The following ELP3 variants were observed in gnomAD, a reference collection of about 807,000 sequenced individuals.
ELP3 encodes elongator acetyltransferase complex subunit 3.
ELP3 carries 56 observed loss-of-function variants against 74.9 expected under a neutral mutation model. The ratio of observed to expected loss-of-function variants is 0.75; its 90% confidence interval spans 0.60 to 0.93. ELP3 has a LOEUF of 0.93. ELP3 is among the 40% of genes least tolerant of loss of function. ELP3 has a pLI of 0.00. For synonymous variants in ELP3, 222 were observed against 239.8 expected (o/e 0.93, Z 0.68); for missense variants, 573 against 686.5 (o/e 0.83, Z 1.85).
intron 14 of ELP3, among the ~76,000 whole-genome samples, chr8:28,167,292 T>A (rs1287284834): frequency 6.6e-6 from 1 of 152,154 alleles, no homozygotes; most frequent in African/African-American, 2.4e-5. Context: ...CCAATATGGC[T>A]TTCTAGGACT....
upstream of ELP3, chr8:28,090,478 GGTGGGT>G (rs1554492415): frequency 9.6e-4 from 218 of 227,140 alleles, no homozygotes; most frequent in African/African-American, 4.2e-3. Flanking sequence ...TAGTCTGATG[GGTGGGT>G]GTGTGTGTGT....
chr8:28,092,311 C>A (rs1433738554), upstream of ELP3, among the ~76,000 whole-genome samples: 1 of 152,196 alleles, frequency 6.6e-6, no homozygotes, highest in Non-Finnish European at 1.5e-5. Context: ...CTCACTGCAA[C>A]CTCCACTTCC....
chr8:28,116,162 C>G (rs1421015709), intron 7 of ELP3, among the ~76,000 whole-genome samples: 1 of 152,102 alleles, frequency 6.6e-6, no homozygotes, highest in African/African-American at 2.4e-5. Flanking sequence ...CTCCCCCTAC[C>G]CCCTTAACTT....
At chr8:28,164,615 C>T (rs559697607) in intron 14 of ELP3, among the ~76,000 whole-genome samples, 40 of 152,184 alleles carry the variant, frequency 2.6e-4, no homozygotes, top group Non-Finnish European at 4.7e-4. Flanking sequence ...AAACTACGTA[C>T]GCCTGGACTT....
intron 14 of ELP3, among the ~76,000 whole-genome samples, chr8:28,169,216 C>T (rs1347965955): frequency 1.3e-5 from 2 of 152,234 alleles, no homozygotes; most frequent in Admixed American, 6.5e-5. Context: ...TGCCCCAGAT[C>T]TCTACCTGCG....
chr8:28,122,675 T>C (rs1182040801), intron 7 of ELP3, among the ~76,000 whole-genome samples: 1 of 152,250 alleles, frequency 6.6e-6, no homozygotes, highest in Admixed American at 6.5e-5. Context: ...TTCTCTTTTT[T>C]TCTTGTTTAC....
intron 14 of ELP3, among the ~76,000 whole-genome samples, chr8:28,180,787 C>A (rs1167080107): frequency 6.6e-6 from 1 of 152,186 alleles, no homozygotes; most frequent in African/African-American, 2.4e-5. Context: ...ACACCAATCC[C>A]TCCTCCCAAT....
chr8:28,161,587 CAG>C (rs781778121), intron 13 of ELP3, among the ~76,000 whole-genome samples: 2 of 133,148 alleles, frequency 1.5e-5, no homozygotes, highest in Non-Finnish European at 3.1e-5. Context: ...GCCTGGACAA[CAG>C]AGGGAGATTC....
At chr8:28,140,164 A>T (rs578023000) in intron 10 of ELP3, among the ~76,000 whole-genome samples, 5 of 146,238 alleles carry the variant, frequency 3.4e-5, no homozygotes, top group Non-Finnish European at 6.0e-5. Flanking sequence ...GTTTTATAGC[A>T]ATCAGTGTAC....
rs1811981685 is a variant in ELP3 at position 28,113,038 on chromosome 8, G to A, written c.482G>A (p.Ser161Asn). 3.7e-6 allele frequency: 6 copies of A among 1,613,516 alleles called. No homozygotes were observed. The highest frequency in any genetic ancestry group is 1.3e-5 in the African/African-American group (1 of 75,002). ...TTTCAGTTAAAACAACTTGGTCATA[G>A]TGTGGATAAAGTGGAGTTTATTGTG... ...RIEQLKQLGH[S>N]VDKVEFIVMG... is the part of the protein sequence containing the mutation. Residue 161 changes from serine (S) to asparagine (N), a missense_variant, in exon 7 of 15, where the codon AGT (serine) becomes AAT (asparagine). Ser to Asn is a conservative substitution (Grantham distance 46, BLOSUM62 1). Transcript: ENST00000256398.
At chr8:28,139,109 G>T (rs957517992) in intron 10 of ELP3, among the ~76,000 whole-genome samples, 1 of 152,134 alleles carries the variant, frequency 6.6e-6, no homozygotes, top group Non-Finnish European at 1.5e-5. Context: ...GGTGCAGGCT[G>T]ATGAAGTCAG....
At chr8:28,188,621 G>A (rs931882202) in intron 14 of ELP3, among the ~76,000 whole-genome samples, 5 of 152,330 alleles carry the variant, frequency 3.3e-5, no homozygotes, top group South Asian at 4.1e-4. Context: ...GCACCCCAAC[G>A]CGGTGGGGAC....
At chr8:28,144,328 G>A (rs1032848896) in intron 10 of ELP3, among the ~76,000 whole-genome samples, 7 of 152,042 alleles carry the variant, frequency 4.6e-5, no homozygotes, top group Non-Finnish European at 8.8e-5. Context: ...CCTTAAATTC[G>A]GCCAGGCACA....
chr8:28,111,484 G>A (rs1301268567), intron 6 of ELP3, among the ~76,000 whole-genome samples: 1 of 152,152 alleles, frequency 6.6e-6, no homozygotes, highest in Non-Finnish European at 1.5e-5. Context: ...TGGATAAGTT[G>A]TCTCTGGGTT....
intron 7 of ELP3, among the ~76,000 whole-genome samples, chr8:28,118,634 G>T (rs930787069): frequency 2.0e-5 from 3 of 152,188 alleles, no homozygotes; most frequent in African/African-American, 7.2e-5. Flanking sequence ...AAGACCGGTA[G>T]TGGGATCTGA....
chr8:28,177,666 G>A (rs1327428479), intron 14 of ELP3, among the ~76,000 whole-genome samples: 1 of 152,186 alleles, frequency 6.6e-6, no homozygotes, highest in Non-Finnish European at 1.5e-5. Flanking sequence ...TTTTAATTCT[G>A]TCTAAGAACA....
chr8:28,169,104 A>G (rs1359616475), intron 14 of ELP3, among the ~76,000 whole-genome samples: 2 of 152,140 alleles, frequency 1.3e-5, no homozygotes, highest in African/African-American at 4.8e-5. Flanking sequence ...TGGCCATGGG[A>G]TCATTTCCTT....
chr8:28,159,179 A>T (rs1813966556), intron 12 of ELP3, among the ~76,000 whole-genome samples: 1 of 152,184 alleles, frequency 6.6e-6, no homozygotes, highest in African/African-American at 2.4e-5. Context: ...ATGGTATGTA[A>T]TGAATTAACT....
chr8:28,115,323 T>C (rs1048635278), intron 7 of ELP3, among the ~76,000 whole-genome samples: 2 of 152,150 alleles, frequency 1.3e-5, no homozygotes, highest in Non-Finnish European at 2.9e-5. Flanking sequence ...GAGTTGTGGA[T>C]CTCCAAGGTA....
Sources: allele counts gnomAD v4.1 joint callset (sites outside exome capture counted in the v4.1 genomes callset), GRCh38; gene constraint gnomAD v4.1.1; transcripts MANE v1.5; gene names NCBI Gene and HGNC (gene_info 2026-07-23, HGNC 2026-07-21).